The following PSMC2 variants were observed in gnomAD, a reference collection of about 807,000 sequenced individuals.
The protein encoded by PSMC2 is 26S proteasome regulatory subunit 7.
PSMC2 carries 7 observed loss-of-function variants against 53.3 expected under a neutral mutation model. The observed-to-expected ratio is 0.13, with a 90% confidence interval of 0.07 to 0.25. The LOEUF (loss-of-function observed/expected upper bound fraction) is 0.25. PSMC2 is among the 10% of genes least tolerant of loss of function. The pLI is 1.00. For missense variants in PSMC2, 241 were observed against 544.0 expected (o/e 0.44, Z 5.54); for synonymous variants, 169 against 183.9 (o/e 0.92, Z 0.66).
Position 103,361,377 on chromosome 7 carries a change from G to A in PSMC2, c.291-580G>A, listed in dbSNP as rs182801326. Among the ~76,000 whole-genome samples, 285 of 150,650 alleles carry A rather than the reference G, an allele frequency of 1.9e-3. 3 individuals are homozygous for A. The highest frequency in any genetic ancestry group is 6.7e-3 in the African/African-American group (276 of 41,128). On this transcript the variant is annotated intron_variant, in intron 4 of 11. Coordinates refer to ENST00000292644, the MANE Select transcript of PSMC2 (RefSeq NM_002803.4). Reference sequence around the variant, plus strand: ...AATACAAAATTAGCTAGGCATGGTGGTGCATGCCTGTAATCCCAGCTACTC... The same window carrying A: ...AATACAAAATTAGCTAGGCATGGTGATGCATGCCTGTAATCCCAGCTACTC...
intron 7 of PSMC2, 79 bp downstream of exon 7, chr7:103,363,518 A>G: frequency 8.0e-7 from 1 of 1,242,582 alleles, no homozygotes; most frequent in Non-Finnish European, 1.2e-6. Context: ...TTGCTTGTAT[A>G]TTAGATGGCT....
intron 8 of PSMC2, among the ~76,000 whole-genome samples, chr7:103,364,981 A>ATATATATATATATATT (rs950613120): frequency 1.3e-4 from 19 of 140,782 alleles, no homozygotes; most frequent in African/African-American, 3.7e-4. Context: ...ATATATATAT[A>ATATATATATATATATT]TATTTAGAGA....
At chr7:103,353,854 G>A (rs997719615) in intron 1 of PSMC2, 67 bp from the exon 2 acceptor site, 30 of 1,373,564 alleles carry the variant, frequency 2.2e-5, no homozygotes, top group Non-Finnish European at 3.0e-5. Flanking sequence ...AAAAGCTCTA[G>A]TTTCTTTTTT....
intron 4 of PSMC2, among the ~76,000 whole-genome samples, chr7:103,359,138 C>CTTTTTGTTT (rs1820217487): frequency 3.2e-5 from 1 of 31,328 alleles, no homozygotes; most frequent in Non-Finnish European, 5.7e-5. Flanking sequence ...CCATGTCTGG[C>CTTTTTGTTT]TTTTTTTTTT....
At chr7:103,351,446 G>A (rs1344019923) in intron 1 of PSMC2, among the ~76,000 whole-genome samples, 5 of 152,204 alleles carry the variant, frequency 3.3e-5, no homozygotes, top group African/African-American at 7.2e-5. Flanking sequence ...AGAGTAGCTC[G>A]TTAGAGATTT....
rs1353294601 is a variant in PSMC2, at chr7:103,364,002, G to A, written c.592-141G>A. 8 of 769,236 alleles carry A rather than the reference G, an allele frequency of 1.0e-5. No homozygotes were observed. In the South Asian group the frequency reaches 1.1e-4, roughly 10 times the overall value. The allele number at this position is 769,236 out of a possible 1,614,324, so 47.7% of individuals were successfully genotyped here. A position where few individuals can be genotyped will look rare whatever the true frequency, so the allele number is the denominator to read the frequency against. On this transcript the variant is annotated intron_variant, in intron 7 of 11. Coordinates refer to ENST00000292644, the MANE Select transcript of PSMC2 (RefSeq NM_002803.4). ...TATTTAGTTCAAGTATGTATATTGT[G>A]GACTTAATAATTTTGATTTAAATAT...
chr7:103,366,778 G>A (rs777784635), intron 9 of PSMC2, among the ~76,000 whole-genome samples: 9 of 152,042 alleles, frequency 5.9e-5, no homozygotes, highest in Non-Finnish European at 1.2e-4. Context: ...CAGATTTGAT[G>A]AAATACAGTA....
Position 103,347,750 on chromosome 7 carries a change from A to G in PSMC2, c.39A>G (p.Lys13=). Reference sequence around the variant, plus strand: ...TCGGTGCCGATCAGCGGAAGACCAAAGAGGATGAGAAGGACGACAAGCCCA... The same window carrying G: ...TCGGTGCCGATCAGCGGAAGACCAAGGAGGATGAGAAGGACGACAAGCCCA... The part of the protein sequence containing the change: ...DYLGADQRKT[K]EDEKDDKPIR... Residue 13 remains lysine (K), a synonymous_variant, in exon 1 of 12, where the codon AAA becomes AAG. Transcript: ENST00000292644. 2 of 1,613,914 alleles carry G rather than the reference A, an allele frequency of 1.2e-6. No homozygotes were observed. The highest frequency in any genetic ancestry group is 2.2e-5 in the South Asian group (2 of 91,078).
At chr7:103,365,885 A>C (rs1468469761) in intron 8 of PSMC2, among the ~76,000 whole-genome samples, 191 bp from the exon 9 acceptor site, 1 of 151,922 alleles carries the variant, frequency 6.6e-6, no homozygotes, top group African/African-American at 2.4e-5. Flanking sequence ...CCGAGCTCGC[A>C]CCACTGCACT....
intron 2 of PSMC2, 128 bp from the exon 3 acceptor site, chr7:103,354,740 C>A: frequency 4.9e-6 from 3 of 606,324 alleles, no homozygotes; most frequent in South Asian, 2.1e-5. Flanking sequence ...TCAGGAATAC[C>A]TCTCTACTTC....
chr7:103,366,273 A>T, intron 9 of PSMC2, 110 bp downstream of exon 9: 1 of 937,898 alleles, frequency 1.1e-6, no homozygotes, highest in East Asian at 2.4e-5. Flanking sequence ...CAACTCTTCT[A>T]TGAGCTCTGA....
intron 6 of PSMC2, among the ~76,000 whole-genome samples, chr7:103,363,090 G>T (rs111293112): frequency 9.9e-5 from 15 of 152,108 alleles, no homozygotes; most frequent in African/African-American, 3.6e-4. Context: ...CACTGAGCCC[G>T]GCAGTATTTT....
At chr7:103,354,629 T>C (rs1164130247) in intron 2 of PSMC2, among the ~76,000 whole-genome samples, 4 of 152,026 alleles carry the variant, frequency 2.6e-5, no homozygotes, top group Non-Finnish European at 5.9e-5. Flanking sequence ...CTCCGCCCCC[T>C]AAAGTGCAGG....
chr7:103,359,987 A>G (rs1820283897), intron 4 of PSMC2, among the ~76,000 whole-genome samples: 1 of 151,936 alleles, frequency 6.6e-6, no homozygotes, highest in Non-Finnish European at 1.5e-5. Context: ...AGGCTGACGC[A>G]GGAGAATTGC....
Position 103,366,102 on chromosome 7 carries a change from T to C in PSMC2, c.783T>C (p.Phe261=). The C allele has an allele frequency of 1.2e-6, 2 of 1,614,050 alleles. No individual in the cohort carries two copies. The highest frequency in any genetic ancestry group is 1.7e-6 in the Non-Finnish European group (2 of 1,179,936). Residue 261 remains phenylalanine (F), a synonymous_variant, in exon 9 of 12, where the codon TTT becomes TTC. Transcript: ENST00000292644. ...GGGCTCGAATGGTTCGTGAACTCTT[T>C]GAAATGGCCAGAACAAAAAAAGCCT... ...GEGARMVREL[F]EMARTKKACL...
intron 1 of PSMC2, among the ~76,000 whole-genome samples, chr7:103,349,162 C>T (rs1404143643): frequency 1.3e-5 from 2 of 152,194 alleles, no homozygotes; most frequent in African/African-American, 2.4e-5. Context: ...ACAACTTCAA[C>T]TTTTCCTAGC....
chr7:103,359,172 A>ATTTTTTTTTTT (rs1586155184), intron 4 of PSMC2, among the ~76,000 whole-genome samples: 35 of 58,416 alleles, frequency 6.0e-4, no homozygotes, highest in Admixed American at 7.0e-4. Flanking sequence ...TTTTTTTTTA[A>ATTTTTTTTTTT]TTTTTAGTAG....
rs757215054 is a variant in PSMC2 at position 103,369,031 on chromosome 7, T to G, written c.*977T>G. 3.3e-5 allele frequency: 5 copies of G among 152,300 alleles called. No individual in the cohort carries two copies. The South Asian group carries it at 6.2e-4, about 19-fold the overall frequency. The allele number at this position is 152,300 out of a possible 1,614,324, so 9.4% of individuals were successfully genotyped here. A position where few individuals can be genotyped will look rare whatever the true frequency, so the allele number is the denominator to read the frequency against. ...AGACCAAAGCACAATAATGAATATTTTTATTGAAGTTCGATATTCATAAAT... is the reference window on the plus strand; with the variant it reads ...AGACCAAAGCACAATAATGAATATTGTTATTGAAGTTCGATATTCATAAAT... On this transcript the variant is annotated 3_prime_UTR_variant, in exon 12 of 12. Coordinates refer to ENST00000292644, the MANE Select transcript of PSMC2 (RefSeq NM_002803.4).
intron 4 of PSMC2, 77 bp from the exon 5 acceptor site, chr7:103,361,880 A>T: frequency 7.1e-7 from 1 of 1,405,396 alleles, no homozygotes; most frequent in Non-Finnish European, 9.7e-7. Context: ...TTGCACACTC[A>T]GGATATAATC....
Sources: gnomAD v4.1 joint callset for allele counts (sites outside exome capture counted in the v4.1 genomes callset) on GRCh38, gnomAD v4.1.1 for gene constraint, MANE v1.5 for transcripts, NCBI Gene and HGNC (gene_info 2026-07-23, HGNC 2026-07-21) for gene names.